The following ME3 variants were observed in gnomAD, a reference collection of about 807,000 sequenced individuals.
ME3 encodes NADP-dependent malic enzyme, mitochondrial.
ME3 carries 48 observed loss-of-function variants against 68.9 expected under a neutral mutation model. The observed-to-expected ratio is 0.70, with a 90% CI of 0.55 to 0.89. ME3 has a LOEUF of 0.89. ME3 is among the 40% of genes least tolerant of loss of function. ME3 has a pLI of 0.00. For missense variants in ME3, 675 were observed against 797.4 expected, an observed-to-expected ratio of 0.85 and a Z score of 1.85; for synonymous variants, 320 against 318.8, an observed-to-expected ratio of 1.00 and a Z score of -0.04.
intron 2 of ME3, among the ~76,000 whole-genome samples, chr11:86,578,750 A>G (rs1958267741): frequency 6.6e-6 from 1 of 152,186 alleles, no homozygotes; most frequent in African/African-American, 2.4e-5. Flanking sequence ...CAGGAGTTCC[A>G]AAATCCAGAG....
At chr11:86,535,128 T>C (rs1409056186) in intron 4 of ME3, among the ~76,000 whole-genome samples, 1 of 152,192 alleles carries the variant, frequency 6.6e-6, no homozygotes, top group African/African-American at 2.4e-5. Context: ...ATTTTACCTG[T>C]ATTTGTCCTG....
intron 5 of ME3, among the ~76,000 whole-genome samples, chr11:86,501,903 G>T (rs1952750009): frequency 6.6e-6 from 1 of 152,110 alleles, no homozygotes; most frequent in South Asian, 2.1e-4. Flanking sequence ...CTCCTAACTG[G>T]TCTCTCTACT....
intron 2 of ME3, among the ~76,000 whole-genome samples, chr11:86,631,508 C>A (rs977078814): frequency 6.6e-5 from 10 of 152,020 alleles, no homozygotes; most frequent in Non-Finnish European, 5.9e-5. Context: ...CAAATCCAAA[C>A]GCATATCAGA....
chr11:86,656,824 T>G (rs4943954), intron 2 of ME3, among the ~76,000 whole-genome samples: 1 of 151,858 alleles, frequency 6.6e-6, no homozygotes, highest in Admixed American at 6.6e-5. Context: ...GACACTTCTC[T>G]AAAGAAGACA....
At chr11:86,644,603 C>T (rs1238188522) in intron 2 of ME3, among the ~76,000 whole-genome samples, 1 of 152,206 alleles carries the variant, frequency 6.6e-6, no homozygotes, top group African/African-American at 2.4e-5. Flanking sequence ...GTTCCCTCTG[C>T]CCCAAACAGT....
chr11:86,614,335 C>T (rs578079418), intron 2 of ME3, among the ~76,000 whole-genome samples: 1 of 152,322 alleles, frequency 6.6e-6, no homozygotes, highest in East Asian at 1.9e-4. Context: ...ATTTTCACCA[C>T]TTATGTAGAA....
rs543755182 is a variant in ME3, at chr11:86,473,653, C to T, written c.810-8453G>A. On this transcript the variant is annotated intron_variant, in intron 7 of 14. Coordinates refer to ENST00000543262, the Ensembl canonical transcript of ME3. ...AGATGTCATAGGACAGATAAGAGGC[C>T]GTCACAGCACAACTCTGCCACAGAC... Among the ~76,000 whole-genome samples the T allele has an allele frequency of 3.3e-5, 5 of 152,170 alleles. No individual in the cohort carries two copies. The South Asian group carries it at 6.2e-4, about 19-fold the overall frequency.
chr11:86,581,839 C>T (rs188677530), intron 2 of ME3, among the ~76,000 whole-genome samples: 2 of 152,168 alleles, frequency 1.3e-5, no homozygotes, highest in Non-Finnish European at 2.9e-5. Context: ...TTAATAAGTT[C>T]AGTGATTTTC....
chr11:86,484,772 T>A (rs1951595766), intron 7 of ME3, among the ~76,000 whole-genome samples: 2 of 152,214 alleles, frequency 1.3e-5, no homozygotes, highest in Non-Finnish European at 2.9e-5. Context: ...TGACACAGCA[T>A]TGTAGAAAGA....
At chr11:86,557,734 C>CA (rs1957004229) in intron 3 of ME3, among the ~76,000 whole-genome samples, 1 of 152,168 alleles carries the variant, frequency 6.6e-6, no homozygotes, top group South Asian at 2.1e-4. Flanking sequence ...GCAAGGATCT[C>CA]AGCCCATTGC....
chr11:86,515,629 C>T (rs1953843203), intron 4 of ME3, among the ~76,000 whole-genome samples: 1 of 152,178 alleles, frequency 6.6e-6, no homozygotes, highest in African/African-American at 2.4e-5. Flanking sequence ...TGTCTAACCT[C>T]GTCCAGTCTG....
chr11:86,517,190 C>T (rs567031869), intron 4 of ME3, among the ~76,000 whole-genome samples: 2 of 152,112 alleles, frequency 1.3e-5, no homozygotes, highest in African/African-American at 4.8e-5. Context: ...TAAAGCACAG[C>T]CCGGTGACCT....
intron 2 of ME3, among the ~76,000 whole-genome samples, chr11:86,627,650 C>T (rs1206222979): frequency 1.3e-5 from 2 of 152,092 alleles, no homozygotes; most frequent in Non-Finnish European, 2.9e-5. Flanking sequence ...TGAAGTCTGC[C>T]CACTCTCCTT....
chr11:86,467,365 C>T (rs1161660919), intron 7 of ME3, among the ~76,000 whole-genome samples: 1 of 152,116 alleles, frequency 6.6e-6, no homozygotes, highest in Non-Finnish European at 1.5e-5. Context: ...TCTCCCCACC[C>T]ACCATCCAGC....
intron 2 of ME3, chr11:86,667,613 T>C (rs766826759): frequency 2.0e-5 from 3 of 152,218 alleles, no homozygotes; most frequent in Non-Finnish European, 2.9e-5. Context: ...TCTGTCCCCA[T>C]GGTCTAGTGT....
rs149857785 is a variant in ME3 at position 86,473,300 on chromosome 11, G to A, written c.810-8100C>T. 9.2e-5 allele frequency among the ~76,000 whole-genome samples: 14 copies of A among 152,342 alleles called. No homozygotes were observed. The East Asian group carries it at 2.1e-3, about 23-fold the overall frequency. On this transcript the variant is annotated intron_variant, in intron 7 of 14. Coordinates refer to ENST00000543262, the Ensembl canonical transcript of ME3. ...GGACCACAAAGTGTACATTGGAGTC[G>A]TTGTTTAGAGGATCACTGGTGACCT...
chr11:86,578,321 G>C (rs1304822579), intron 2 of ME3, among the ~76,000 whole-genome samples: 2 of 152,160 alleles, frequency 1.3e-5, no homozygotes, highest in Non-Finnish European at 2.9e-5. Context: ...AACAAGGGAA[G>C]TAGCCTCTTT....
chr11:86,544,222 C>A, intron 4 of ME3, among the ~76,000 whole-genome samples: 1 of 152,112 alleles, frequency 6.6e-6, no homozygotes, highest in Non-Finnish European at 1.5e-5. Context: ...AAAACTGACA[C>A]CCTAACATCA....
chr11:86,671,679 C>A, intron 2 of ME3, 83 bp downstream of exon 2: 1 of 1,535,032 alleles, frequency 6.5e-7, no homozygotes, highest in East Asian at 2.6e-5. Flanking sequence ...CGGGAGGATC[C>A]TTTCTGGGTC....
Sources: allele counts gnomAD v4.1 joint callset (sites outside exome capture counted in the v4.1 genomes callset), GRCh38; gene constraint gnomAD v4.1.1; transcripts MANE v1.5; gene names NCBI Gene and HGNC (gene_info 2026-07-23, HGNC 2026-07-21).